The following GALNT7 variants were observed in gnomAD, a reference collection of about 807,000 sequenced individuals.
The protein encoded by GALNT7 is N-acetylgalactosaminyltransferase 7.
Under a neutral mutation model 82.1 loss-of-function variants are expected in GALNT7, and 60 were observed. The ratio of observed to expected loss-of-function variants is 0.73; its 90% CI spans 0.59 to 0.91. The LOEUF is 0.91. Ranked by LOEUF, GALNT7 falls within the 40% of genes least tolerant of loss-of-function variation. The pLI, the probability that GALNT7 is intolerant of heterozygous loss-of-function variation, is 0.00. For synonymous variants in GALNT7, 243 were observed against 275.1 expected, an observed-to-expected ratio of 0.88 and a Z score of 1.15; for missense variants, 660 against 804.2, an observed-to-expected ratio of 0.82 and a Z score of 2.17.
chr4:173,297,407 CA>C (rs1736754947), intron 5 of GALNT7, among the ~76,000 whole-genome samples: 1 of 152,186 alleles, frequency 6.6e-6, no homozygotes, highest in Admixed American at 6.5e-5. Context: ...ACCCCACACA[CA>C]CGCACACGCA....
In GALNT7 at chr4:173,322,522, A is replaced by G. The variant is rs2126882302; in HGVS notation, c.*805A>G. Reference sequence around the variant, plus strand: ...TTCCCAGTGCCCTCTGTCCATACCTACTTCTAGGATTGCAAAGGAGTCTTC... The same window carrying G: ...TTCCCAGTGCCCTCTGTCCATACCTGCTTCTAGGATTGCAAAGGAGTCTTC... On this transcript the variant is annotated 3_prime_UTR_variant, in exon 12 of 12. Coordinates refer to ENST00000265000, the MANE Select transcript of GALNT7 (RefSeq NM_017423.3). 6.6e-6 allele frequency: 1 copy of G among 152,256 alleles called. No homozygotes were observed. The highest frequency in any genetic ancestry group is 1.9e-4 in the East Asian group (1 of 5,186). The allele number at this position is 152,256 out of a possible 1,614,324, so 9.4% of individuals were successfully genotyped here.
chr4:173,302,910 A>T lies in GALNT7; in HGVS notation c.1266+746A>T, dbSNP rs544089524. Among the ~76,000 whole-genome samples, 1 of 152,352 alleles carries T rather than the reference A, an allele frequency of 6.6e-6. No individual in the cohort carries two copies. The highest frequency in any genetic ancestry group is 2.4e-5 in the African/African-American group (1 of 41,594). ...AGAATGGCATTCAGTTGGTGTGCTT[A>T]AAAAACCGTCGGCCAGGCGCTCATG... On this transcript the variant is annotated intron_variant, in intron 7 of 11. Coordinates refer to ENST00000265000, the MANE Select transcript of GALNT7 (RefSeq NM_017423.3). This position sits in a 1 kb window ranked among gnomAD's most constrained non-coding sequence, Gnocchi z 4.2.
chr4:173,239,645 G>C (rs933549142), intron 1 of GALNT7, among the ~76,000 whole-genome samples: 11 of 152,160 alleles, frequency 7.2e-5, no homozygotes, highest in African/African-American at 2.7e-4. Flanking sequence ...AAATGTGCTG[G>C]TTTGAACTAT....
intron 2 of GALNT7, among the ~76,000 whole-genome samples, chr4:173,275,752 A>G (rs1467497401): frequency 1.3e-5 from 2 of 152,192 alleles, no homozygotes; most frequent in African/African-American, 2.4e-5. Context: ...TGCCTCAGAA[A>G]ATGAAATCTG....
intron 1 of GALNT7, among the ~76,000 whole-genome samples, chr4:173,177,156 C>T (rs1356102232): frequency 6.6e-6 from 1 of 152,142 alleles, no homozygotes; most frequent in East Asian, 1.9e-4. Flanking sequence ...TACTTGGCCC[C>T]ATCCCCCGAA....
At chr4:173,309,165 G>A (rs190048342) in intron 8 of GALNT7, among the ~76,000 whole-genome samples, 9 of 152,174 alleles carry the variant, frequency 5.9e-5, no homozygotes, top group African/African-American at 1.7e-4. Context: ...TAAACTGAAC[G>A]GGACTGTTTT....
intron 1 of GALNT7, among the ~76,000 whole-genome samples, chr4:173,185,966 AT>A (rs1732449095): frequency 6.6e-6 from 1 of 152,204 alleles, no homozygotes; most frequent in South Asian, 2.1e-4. Context: ...ATTCAACTTG[AT>A]TATGGTATTC....
chr4:173,266,869 G>T (rs1735513618), intron 2 of GALNT7, among the ~76,000 whole-genome samples: 1 of 22,668 alleles, frequency 4.4e-5, no homozygotes, highest in African/African-American at 2.2e-4. Context: ...GCTGGGAAGG[G>T]TGTGTGTGTG....
At chr4:173,291,522 C>T (rs1736531012) in intron 2 of GALNT7, among the ~76,000 whole-genome samples, 1 of 152,168 alleles carries the variant, frequency 6.6e-6, no homozygotes, top group African/African-American at 2.4e-5. Context: ...ACAGTTGTTT[C>T]AAATAGTTGT....
At chr4:173,228,026 C>G (rs892284476) in intron 1 of GALNT7, among the ~76,000 whole-genome samples, 3 of 151,786 alleles carry the variant, frequency 2.0e-5, no homozygotes, top group African/African-American at 7.3e-5. Flanking sequence ...GTAAAATGAC[C>G]CCTTTGGCAG....
chr4:173,260,148 G>A (rs1004597652), intron 2 of GALNT7, among the ~76,000 whole-genome samples: 1 of 152,150 alleles, frequency 6.6e-6, no homozygotes, highest in Non-Finnish European at 1.5e-5. Context: ...GGTAAAGTAC[G>A]TAACAATACT....
At position 173,313,820 on chromosome 4, in the gene GALNT7, G is replaced by A. The variant is rs73003368; in HGVS notation, c.1390-138G>A. 8.4e-3 allele frequency: 3,224 copies of A among 383,004 alleles called. 100 individuals carry two copies. Among genetic ancestry groups the A allele is most frequent in the African/African-American group, 0.059 (2,796 of 47,480 alleles). The allele number at this position is 383,004 out of a possible 1,614,324, so 23.7% of individuals were successfully genotyped here. ...ATATTAGAGTCATTAACTTGCATTT[G>A]TTGTTTAATTAAATGCCAGGTCCTG... On this transcript the variant is annotated intron_variant, in intron 8 of 11. Transcript: ENST00000265000.
rs1035609522 is a variant in GALNT7 at position 173,179,381 on chromosome 4, G to A, written c.126+10420G>A. Among the ~76,000 whole-genome samples, 4 of 152,176 alleles carry A rather than the reference G, an allele frequency of 2.6e-5. No individual in the cohort carries two copies. The South Asian group carries it at 8.3e-4, about 32-fold the overall frequency. On this transcript the variant is annotated intron_variant, in intron 1 of 11. Coordinates refer to ENST00000265000, the MANE Select transcript of GALNT7 (RefSeq NM_017423.3). ...ACATCAGCCAGGTGTGGTGGCTCAT[G>A]CTTATAATTCTAGCATTTTGGGAGC... is the stretch of plus-strand genomic sequence containing the variant.
intron 1 of GALNT7, among the ~76,000 whole-genome samples, chr4:173,214,552 T>A (rs1274645501): frequency 6.6e-6 from 1 of 152,194 alleles, no homozygotes; most frequent in African/African-American, 2.4e-5. Flanking sequence ...ACTTCAGATT[T>A]TAAGAAATCT....
chr4:173,221,748 A>T (rs1023280255), intron 1 of GALNT7, among the ~76,000 whole-genome samples: 1 of 152,236 alleles, frequency 6.6e-6, no homozygotes, highest in Non-Finnish European at 1.5e-5. Flanking sequence ...CAGTTTTAAC[A>T]TTCGGCTCTG....
At chr4:173,187,012 G>A (rs865979198) in intron 1 of GALNT7, among the ~76,000 whole-genome samples, 2 of 151,940 alleles carry the variant, frequency 1.3e-5, no homozygotes, top group Non-Finnish European at 2.9e-5. Context: ...CGCCTCGGCC[G>A]CCCAAAGTGC....
chr4:173,288,530 T>C (rs1179704165), intron 2 of GALNT7, among the ~76,000 whole-genome samples: 1 of 152,058 alleles, frequency 6.6e-6, no homozygotes, highest in African/African-American at 2.4e-5. Flanking sequence ...GTAAAAACTC[T>C]GACTCCATCT....
In GALNT7 at chr4:173,318,381, T is replaced by A. The variant is rs767417452; in HGVS notation, c.1708-50T>A. 8 of 1,483,326 alleles carry A rather than the reference T, an allele frequency of 5.4e-6. No individual in the cohort carries two copies. In the Admixed American group the frequency reaches 1.6e-4, roughly 29 times the overall value. 91.9% of individuals were successfully genotyped at this position (1,483,326 alleles called of 1,614,324 possible). A position where few individuals can be genotyped will look rare whatever the true frequency, so the allele number is the denominator to read the frequency against. On this transcript the variant is annotated intron_variant, in intron 10 of 11. Coordinates refer to ENST00000265000, the MANE Select transcript of GALNT7 (RefSeq NM_017423.3). ...AAGTTTCTTTCTTTTCAAATGCACA[T>A]CAGCAGGGAAGGTGCCTCTGTTACT...
chr4:173,232,724 G>C (rs1330034921), intron 1 of GALNT7, among the ~76,000 whole-genome samples: 1 of 152,124 alleles, frequency 6.6e-6, no homozygotes, highest in Non-Finnish European at 1.5e-5. Flanking sequence ...GTGTGAGCTT[G>C]TAACATTCCT....
Sources: allele counts gnomAD v4.1 joint callset (sites outside exome capture counted in the v4.1 genomes callset), GRCh38; gene constraint gnomAD v4.1.1; non-coding constraint Gnocchi (gnomAD v3.1); transcripts MANE v1.5; gene names NCBI Gene and HGNC (gene_info 2026-07-23, HGNC 2026-07-21).